Variants in AKAP10 observed in about 807,000 individuals in gnomAD.
AKAP10 encodes A-kinase anchor protein 10, mitochondrial.
AKAP10 carries 24 observed loss-of-function variants against 80.8 expected under a neutral mutation model. That is an observed-to-expected ratio of 0.30 (90% CI 0.22 to 0.42). The LOEUF is 0.42. Among genes scored for constraint, AKAP10 ranks in the 10% least tolerant of loss-of-function variants. The pLI is 1.00. For synonymous variants in AKAP10, 291 were observed against 277.7 expected (o/e 1.05, Z -0.48); for missense variants, 661 against 794.9 (o/e 0.83, Z 2.03).
chr17:19,944,188 C>T (rs1230109999), intron 5 of AKAP10, among the ~76,000 whole-genome samples: 1 of 152,126 alleles, frequency 6.6e-6, no homozygotes, highest in Non-Finnish European at 1.5e-5. Flanking sequence ...GATAAATTGT[C>T]CTTGCTCCCA....
At chr17:19,913,995 G>T (rs1175447675) in intron 12 of AKAP10, among the ~76,000 whole-genome samples, 3 of 152,070 alleles carry the variant, frequency 2.0e-5, no homozygotes, top group South Asian at 2.1e-4. Context: ...TCATGAAAGA[G>T]AAACTATTTT....
chr17:19,961,452 T>TA (rs2043348915), intron 3 of AKAP10, among the ~76,000 whole-genome samples: 2 of 152,222 alleles, frequency 1.3e-5, no homozygotes, highest in South Asian at 2.1e-4. Context: ...TAGCAAAACT[T>TA]ACAATTTTAC....
chr17:19,961,983 A>G (rs1275339769), intron 3 of AKAP10, among the ~76,000 whole-genome samples: 2 of 152,038 alleles, frequency 1.3e-5, no homozygotes, highest in Non-Finnish European at 2.9e-5. Context: ...GGGTGTGGTG[A>G]CACATGCCTG....
chr17:19,913,271 A>G (rs1388139389), intron 12 of AKAP10, among the ~76,000 whole-genome samples: 1 of 150,298 alleles, frequency 6.7e-6, no homozygotes, highest in Non-Finnish European at 1.5e-5. Context: ...CACCTGCCTC[A>G]GCCTCCCGAT....
chr17:19,944,731 C>A (rs1387592229), intron 5 of AKAP10, among the ~76,000 whole-genome samples: 1 of 152,140 alleles, frequency 6.6e-6, no homozygotes, highest in East Asian at 1.9e-4. Context: ...CACTTCCAAA[C>A]CATCAGCAAA....
chr17:19,946,261 A>T (rs1258136691), intron 5 of AKAP10, among the ~76,000 whole-genome samples: 1 of 25,748 alleles, frequency 3.9e-5, no homozygotes, highest in East Asian at 1.4e-3. Flanking sequence ...ATATATATAT[A>T]TATATATATA....
At chr17:19,914,809 T>C (rs563216163) in intron 12 of AKAP10, among the ~76,000 whole-genome samples, 2 of 152,024 alleles carry the variant, frequency 1.3e-5, no homozygotes, top group South Asian at 2.1e-4. Context: ...GCCACAGCCA[T>C]GAAATAGCAA....
At chr17:19,943,913 T>C (rs984308017) in intron 5 of AKAP10, among the ~76,000 whole-genome samples, 56 of 151,944 alleles carry the variant, frequency 3.7e-4, no homozygotes, top group African/African-American at 1.4e-3. Flanking sequence ...AATTGGTAGC[T>C]GACAGGGAAA....
Position 19,968,604 on chromosome 17 carries a change from G to A in AKAP10, c.89-143C>T. 4.7e-6 allele frequency: 3 copies of A among 633,216 alleles called. 1 individual carries two copies. Among genetic ancestry groups the A allele is most frequent in the Non-Finnish European group, 8.1e-6 (3 of 371,130 alleles). The allele number at this position is 633,216 out of a possible 1,614,324, so 39.2% of individuals were successfully genotyped here. On this transcript the variant is annotated intron_variant, in intron 1 of 14. Transcript: ENST00000225737. ...ACAGCCTTGGAGGAGGGCACAGGAG[G>A]GTAGTTGTCAGCAAAGGCTTCTCTA...
chr17:19,918,224 C>CAA (rs559332326), intron 12 of AKAP10, among the ~76,000 whole-genome samples: 81 of 86,056 alleles, frequency 9.4e-4, no homozygotes, highest in African/African-American at 2.1e-3. Flanking sequence ...CCGTCTCAAA[C>CAA]AAAAAAAAAA....
chr17:19,977,583 C>T lies in AKAP10; in HGVS notation c.88+9G>A, dbSNP rs765541163. On this transcript the variant is annotated intron_variant, in intron 1 of 14. Coordinates refer to ENST00000225737, the MANE Select transcript of AKAP10 (RefSeq NM_007202.4). ...CGGCCTGACTCCCCGCCGGCGCCCC[C>T]TCAGCTACCTTTCCGCCGGAAGAAG... 1.2e-5 allele frequency: 15 copies of T among 1,233,734 alleles called. No homozygotes were observed. The highest frequency in any genetic ancestry group is 4.1e-5 in the South Asian group (1 of 24,334). The allele number at this position is 1,233,734 out of a possible 1,614,324, so 76.4% of individuals were successfully genotyped here.
At chr17:19,931,707 A>T in intron 10 of AKAP10, 98 bp downstream of exon 10, 1 of 1,390,326 alleles carries the variant, frequency 7.2e-7, no homozygotes, top group Non-Finnish European at 9.6e-7. Context: ...TTTTTTTTCC[A>T]CAACTTAAAA....
intron 5 of AKAP10, among the ~76,000 whole-genome samples, chr17:19,944,653 AAAACAAAC>A (rs757662607): frequency 3.3e-5 from 5 of 152,176 alleles, no homozygotes; most frequent in Non-Finnish European, 5.9e-5. Context: ...CTCCGTCTCA[AAAACAAAC>A]AAACAAACAA....
At position 19,961,084 on chromosome 17, in the gene AKAP10, G is replaced by A. The variant is rs569443151; in HGVS notation, c.319+1756C>T. 3.3e-5 allele frequency among the ~76,000 whole-genome samples: 5 copies of A among 151,078 alleles called. No homozygotes were observed. The East Asian group carries it at 5.9e-4, about 18-fold the overall frequency. ...AGGCCAGGCACAGTAGCTCACGCCCGTAATCCCAGCACTTTGGGAGGCCTA... is the reference window on the plus strand; with the variant it reads ...AGGCCAGGCACAGTAGCTCACGCCCATAATCCCAGCACTTTGGGAGGCCTA... On this transcript the variant is annotated intron_variant, in intron 3 of 14. Transcript: ENST00000225737.
At chr17:19,945,772 A>G (rs1306248217) in intron 5 of AKAP10, among the ~76,000 whole-genome samples, 2 of 152,214 alleles carry the variant, frequency 1.3e-5, no homozygotes, top group African/African-American at 2.4e-5. Flanking sequence ...AAGAAGCCCA[A>G]CATCGGGACA....
intron 1 of AKAP10, among the ~76,000 whole-genome samples, chr17:19,969,444 T>C (rs556458100): frequency 6.6e-6 from 1 of 152,250 alleles, no homozygotes; most frequent in African/African-American, 2.4e-5. Context: ...TAAGCTAATA[T>C]GACATCCAAG....
chr17:19,935,677 C>T (rs1012778853), intron 9 of AKAP10, among the ~76,000 whole-genome samples: 3 of 151,786 alleles, frequency 2.0e-5, no homozygotes, highest in African/African-American at 7.3e-5. Flanking sequence ...TTAGCCTAAG[C>T]CTACACAGGG....
chr17:19,935,360 T>C (rs1382408318), intron 9 of AKAP10, among the ~76,000 whole-genome samples: 2 of 152,122 alleles, frequency 1.3e-5, no homozygotes, highest in Non-Finnish European at 2.9e-5. Context: ...AGTCAGCGAG[T>C]GAGTGGTAAG....
intron 1 of AKAP10, among the ~76,000 whole-genome samples, chr17:19,971,196 T>C (rs1224417151): frequency 6.6e-6 from 1 of 151,978 alleles, no homozygotes; most frequent in Non-Finnish European, 1.5e-5. Context: ...TTAATGGCAT[T>C]ATTCTGCACA....
Sources: gnomAD v4.1 joint callset for allele counts (sites outside exome capture counted in the v4.1 genomes callset) on GRCh38, gnomAD v4.1.1 for gene constraint, MANE v1.5 for transcripts, NCBI Gene and HGNC (gene_info 2026-07-23, HGNC 2026-07-21) for gene names.